The following NEDD4L variants were observed in gnomAD, a reference collection of about 807,000 sequenced individuals.
The protein encoded by NEDD4L is E3 ubiquitin-protein ligase NEDD4-like.
A neutral mutation model predicts 148.9 loss-of-function variants in NEDD4L; 54 were observed. That is an observed-to-expected ratio of 0.36 (90% CI 0.29 to 0.45). NEDD4L has a LOEUF of 0.45. Ranked by LOEUF, NEDD4L falls within the 20% of genes least tolerant of loss-of-function variation. The pLI, the probability that NEDD4L is intolerant of heterozygous loss-of-function variation, is 1.00. For missense variants in NEDD4L, 856 were observed against 1,233.8 expected, an observed-to-expected ratio of 0.69 and a Z score of 4.59; for synonymous variants, 433 against 440.7, an observed-to-expected ratio of 0.98 and a Z score of 0.22.
intron 2 of NEDD4L, among the ~76,000 whole-genome samples, chr18:58,201,798 A>C (rs1385569056): frequency 6.6e-6 from 1 of 152,192 alleles, no homozygotes; most frequent in Admixed American, 6.5e-5. Context: ...CACATGGTAC[A>C]TACTGTTCTG....
chr18:58,192,895 A>G (rs1347909261), intron 2 of NEDD4L, among the ~76,000 whole-genome samples: 1 of 152,220 alleles, frequency 6.6e-6, no homozygotes. Flanking sequence ...CCTTTAATGT[A>G]TAGACTTGTC....
chr18:58,148,160 G>A (rs1265119923), intron 1 of NEDD4L, among the ~76,000 whole-genome samples: 2 of 121,572 alleles, frequency 1.6e-5, no homozygotes. Flanking sequence ...ATTCCACACT[G>A]TTCTTTTTTT....
intron 13 of NEDD4L, among the ~76,000 whole-genome samples, chr18:58,338,057 T>TGG (rs1201484303): frequency 6.6e-6 from 1 of 152,174 alleles, no homozygotes; most frequent in Admixed American, 6.5e-5. Context: ...AGTGTCAAAG[T>TGG]GGTTATTTTT....
chr18:58,276,223 G>T (rs573934838), intron 5 of NEDD4L, among the ~76,000 whole-genome samples: 12 of 133,364 alleles, frequency 9.0e-5, no homozygotes, highest in Admixed American at 3.0e-4. Flanking sequence ...GGGTGGGGAG[G>T]GGGGTGGTTT....
chr18:58,350,102 A>G (rs1179524635), intron 17 of NEDD4L, among the ~76,000 whole-genome samples: 3 of 152,278 alleles, frequency 2.0e-5, no homozygotes, highest in African/African-American at 4.8e-5. Flanking sequence ...GTTGAGCTAT[A>G]TACTTAAAAT....
At chr18:58,146,438 C>G (rs563540205) in intron 1 of NEDD4L, among the ~76,000 whole-genome samples, 1 of 152,156 alleles carries the variant, frequency 6.6e-6, no homozygotes, top group South Asian at 2.1e-4. Flanking sequence ...AAGATGGCAA[C>G]CCAGGTTCCA....
chr18:58,179,539 G>A (rs759182978), intron 2 of NEDD4L, among the ~76,000 whole-genome samples: 1 of 152,146 alleles, frequency 6.6e-6, no homozygotes, highest in Non-Finnish European at 1.5e-5. Context: ...TGAGCCATGG[G>A]TAGGCGGGCA....
At chr18:58,153,425 C>T (rs1182832615) in intron 1 of NEDD4L, among the ~76,000 whole-genome samples, 6 of 150,604 alleles carry the variant, frequency 4.0e-5, no homozygotes, top group African/African-American at 1.2e-4. Flanking sequence ...CTGCAACCTC[C>T]GCCTCCCAGG....
At chr18:58,224,177 CTGGCCTGCAGCAGGCAAG>C (rs2044093839) in intron 2 of NEDD4L, among the ~76,000 whole-genome samples, 1 of 152,248 alleles carries the variant, frequency 6.6e-6, no homozygotes, top group African/African-American at 2.4e-5. Context: ...GATTACTCAT[CTGGCCTGCAGCAGGCAAG>C]AGGATCACAT....
intron 24 of NEDD4L, among the ~76,000 whole-genome samples, chr18:58,380,578 A>AT (rs2048213648): frequency 6.6e-6 from 1 of 151,894 alleles, no homozygotes; most frequent in Non-Finnish European, 1.5e-5. Context: ...GGCCTCCCAA[A>AT]TTTTTTTTAT....
chr18:58,263,324 A>G (rs2049727104), intron 5 of NEDD4L, among the ~76,000 whole-genome samples: 1 of 152,156 alleles, frequency 6.6e-6, no homozygotes, highest in Non-Finnish European at 1.5e-5. Flanking sequence ...CCTAGAGTTT[A>G]CACAGCCTTC....
In NEDD4L at chr18:58,322,476, A is replaced by G. The variant is rs2058882944; in HGVS notation, c.400A>G (p.Arg134Gly). 2.5e-6 allele frequency: 3 copies of G among 1,209,638 alleles called. No homozygotes were observed. Among genetic ancestry groups the G allele is most frequent in the Non-Finnish European group, 3.5e-6 (3 of 851,370 alleles). The allele number at this position is 1,209,638 out of a possible 1,614,324, so 74.9% of individuals were successfully genotyped here. The change falls in exon 7 of 31, where the codon AGA becomes GGA. Residue 134 changes from arginine to glycine, a missense_variant. By Grantham distance (125) the Arg-to-Gly change is moderately radical. Around this residue, in one of 4 missense-constraint regions of NEDD4L, gnomAD observed 193 missense variants for 244.2 expected, o/e 0.79. Coordinates refer to ENST00000400345, the MANE Select transcript of NEDD4L (RefSeq NM_001144967.3). ...RPYTFKDFLL[R>G]PRSHKSRVKG... is the part of the protein sequence containing the mutation. Reference sequence around the variant, plus strand: ...CTATACATTTAAGGACTTTCTCCTCAGACCAAGAAGGTGAGGCTTGTGGGT... The same window carrying G: ...CTATACATTTAAGGACTTTCTCCTCGGACCAAGAAGGTGAGGCTTGTGGGT...
chr18:58,151,908 G>C (rs2034818353), intron 1 of NEDD4L, among the ~76,000 whole-genome samples: 1 of 151,998 alleles, frequency 6.6e-6, no homozygotes, highest in South Asian at 2.1e-4. Flanking sequence ...TGTGATTATT[G>C]CAGCAGGTAG....
intron 2 of NEDD4L, among the ~76,000 whole-genome samples, chr18:58,217,298 G>A (rs2043251210): frequency 6.6e-6 from 1 of 152,180 alleles, no homozygotes; most frequent in Non-Finnish European, 1.5e-5. Context: ...TATCTTCGTT[G>A]TGTTCAATTT....
intron 18 of NEDD4L, among the ~76,000 whole-genome samples, chr18:58,355,112 G>A (rs900934486): frequency 3.9e-5 from 6 of 152,206 alleles, no homozygotes; most frequent in Admixed American, 2.0e-4. Flanking sequence ...GGATGGGGTC[G>A]AAATCGTTAT....
At chr18:58,094,031 GA>G (rs893769178) in intron 1 of NEDD4L, among the ~76,000 whole-genome samples, 1 of 152,138 alleles carries the variant, frequency 6.6e-6, no homozygotes, top group African/African-American at 2.4e-5. Flanking sequence ...GATGGTGGCA[GA>G]TACAGCATGG....
In NEDD4L at chr18:58,398,157, T is replaced by TAAAAAAAAAAAAAA. The variant is rs35545013; in HGVS notation, c.*1912_*1925dup. The TAAAAAAAAAAAAAA allele has an allele frequency of 1.6e-4, 5 of 31,012 alleles. No homozygotes were observed. The highest frequency in any genetic ancestry group is 2.7e-4 in the African/African-American group (3 of 10,928). The allele number at this position is 31,012 out of a possible 1,614,324, so 1.9% of individuals were successfully genotyped here. A position where few individuals can be genotyped will look rare whatever the true frequency, so the allele number is the denominator to read the frequency against. On this transcript the variant is annotated 3_prime_UTR_variant, in exon 31 of 31. Coordinates refer to ENST00000400345, the MANE Select transcript of NEDD4L (RefSeq NM_001144967.3). ...TCAGAAAACTTAGATGCTATGTAAC[T>TAAAAAAAAAAAAAA]AAAAAAAAAAAAAAAAAAAAAAAAA... is the stretch of plus-strand genomic sequence containing the variant.
chr18:58,147,987 G>C (rs1411376956), intron 1 of NEDD4L, among the ~76,000 whole-genome samples: 1 of 151,956 alleles, frequency 6.6e-6, no homozygotes, highest in African/African-American at 2.4e-5. Flanking sequence ...GGGGTTGCTG[G>C]TCAGGCCATG....
chr18:58,104,314 A>G (rs887615466), intron 1 of NEDD4L, among the ~76,000 whole-genome samples: 2 of 152,226 alleles, frequency 1.3e-5, no homozygotes, highest in African/African-American at 4.8e-5. Flanking sequence ...CAGCAAGCTT[A>G]TCTCTAAGAT....
Sources: allele counts gnomAD v4.1 joint callset (sites outside exome capture counted in the v4.1 genomes callset), GRCh38; gene constraint gnomAD v4.1.1; regional missense constraint gnomAD v4.1.1; transcripts MANE v1.5; gene names NCBI Gene and HGNC (gene_info 2026-07-23, HGNC 2026-07-21).